PCDH15: variants seen among roughly 807,000 people sequenced by gnomAD.
The protein encoded by PCDH15 is protocadherin related 15.
Under a neutral mutation model 178.5 loss-of-function variants are expected in PCDH15, and 129 were observed. The observed-to-expected ratio is 0.72, with a 90% CI of 0.63 to 0.84. The LOEUF is 0.84. Among genes scored for constraint, PCDH15 ranks in the 40% least tolerant of loss-of-function variants. The pLI is 0.00. For missense variants in PCDH15, 2,230 were observed against 2,099.9 expected (o/e 1.06, Z -1.21); for synonymous variants, 800 against 732.0 (o/e 1.09, Z -1.50).
intron 28 of PCDH15, among the ~76,000 whole-genome samples, chr10:53,853,970 T>C (rs1012616967): frequency 6.6e-6 from 1 of 152,036 alleles, no homozygotes; most frequent in Non-Finnish European, 1.5e-5. Flanking sequence ...TTTATGTTCA[T>C]AGCAGTATTA....
chr10:54,609,826 T>A (rs377536220), intron 2 of PCDH15, among the ~76,000 whole-genome samples: 1 of 152,038 alleles, frequency 6.6e-6, no homozygotes, highest in Admixed American at 6.6e-5. Context: ...TCTATTTTTT[T>A]CCCTAGAGGA....
intron 2 of PCDH15, among the ~76,000 whole-genome samples, chr10:55,117,579 G>A (rs1331994186): frequency 2.0e-5 from 3 of 152,210 alleles, no homozygotes; most frequent in East Asian, 3.9e-4. Flanking sequence ...TTTGAACCGT[G>A]ATGCCCAGAG....
chr10:55,507,820 G>A (rs1002355380), intron 2 of PCDH15, among the ~76,000 whole-genome samples: 1 of 151,540 alleles, frequency 6.6e-6, no homozygotes, highest in Non-Finnish European at 1.5e-5. Context: ...TTCAGATTTA[G>A]ACATGAGCAA....
chr10:54,820,564 C>A (rs1027591645), intron 3 of PCDH15, among the ~76,000 whole-genome samples: 4 of 151,920 alleles, frequency 2.6e-5, no homozygotes, highest in Non-Finnish European at 5.9e-5. Context: ...ACTTTATAAG[C>A]TTTTTATTAC....
At position 55,203,737 on chromosome 10, in the gene PCDH15, G is replaced by A. The variant is rs367938957; in HGVS notation, c.-155-37086C>T. On this transcript the variant is annotated intron_variant, in intron 1 of 5. Coordinates refer to the PCDH15 transcript ENST00000458638. ...TAGATTGGACATTTCCAAAACTTTG[G>A]AAAGATTCCTAATATCCACTGGAGA... Among the ~76,000 whole-genome samples the A allele has an allele frequency of 7.2e-5, 11 of 152,144 alleles. No homozygotes were observed. The East Asian group carries it at 1.2e-3, about 16-fold the overall frequency.
In PCDH15 at chr10:54,895,452, A is replaced by C. The variant is rs770608914; in HGVS notation, c.-29+1998T>G. On this transcript the variant is annotated intron_variant, in intron 3 of 5. Coordinates refer to the PCDH15 transcript ENST00000458638. ...ACAAATACCTCAAAGACAAGAGATA[A>C]GTTTAATATTTGAAAAACTTATTTC... Among the ~76,000 whole-genome samples, 9 of 152,196 alleles carry C rather than the reference A, an allele frequency of 5.9e-5. No homozygotes were observed. The South Asian group carries it at 6.2e-4, about 10-fold the overall frequency.
intron 2 of PCDH15, among the ~76,000 whole-genome samples, chr10:55,502,250 C>G (rs1589087163): frequency 6.6e-6 from 1 of 151,538 alleles, no homozygotes; most frequent in Admixed American, 6.6e-5. Flanking sequence ...CTCTTTATGC[C>G]GTGCCTACTA....
rs770509014 is a variant in PCDH15 at position 53,809,261 on chromosome 10, C to T, written c.4671+1295G>A. 6.2e-6 allele frequency: 10 copies of T among 1,613,974 alleles called. No homozygotes were observed. In the East Asian group the frequency reaches 1.8e-4, roughly 29 times the overall value. ...TCGCTGGAGGATTCCTCCTCTGATTCTACAGTGCTTTCTGTTGCTTCCTCT... is the reference window on the plus strand; with the variant it reads ...TCGCTGGAGGATTCCTCCTCTGATTTTACAGTGCTTTCTGTTGCTTCCTCT... On this transcript the variant is annotated intron_variant, in intron 37 of 37. Transcript: ENST00000644397.
intron 2 of PCDH15, among the ~76,000 whole-genome samples, chr10:55,380,252 G>C (rs573949982): frequency 6.6e-6 from 1 of 152,212 alleles, no homozygotes; most frequent in East Asian, 1.9e-4. Context: ...TAAATACAAT[G>C]TCACTAAAAA....
At chr10:55,600,591 G>A (rs995679557) in intron 2 of PCDH15, among the ~76,000 whole-genome samples, 2 of 152,032 alleles carry the variant, frequency 1.3e-5, no homozygotes, top group African/African-American at 4.8e-5. Context: ...TGGTGTAGCC[G>A]CTATTAAGGG....
intron 1 of PCDH15, among the ~76,000 whole-genome samples, chr10:55,172,606 T>C (rs1444888338): frequency 2.0e-5 from 3 of 152,048 alleles, no homozygotes; most frequent in African/African-American, 7.2e-5. Flanking sequence ...CTACAATAAC[T>C]CCATGAAATT....
chr10:54,315,253 C>T (rs1202638358), intron 8 of PCDH15, among the ~76,000 whole-genome samples: 1 of 152,150 alleles, frequency 6.6e-6, no homozygotes, highest in Non-Finnish European at 1.5e-5. Flanking sequence ...AATGGTTTCT[C>T]ATTGTGGTTT....
intron 2 of PCDH15, among the ~76,000 whole-genome samples, chr10:54,534,930 A>G (rs2084316562): frequency 6.6e-6 from 1 of 152,212 alleles, no homozygotes; most frequent in Non-Finnish European, 1.5e-5. Context: ...AAATCAATGG[A>G]ACAATAATCT....
chr10:55,170,016 G>A (rs1466407916), intron 1 of PCDH15, among the ~76,000 whole-genome samples: 4 of 151,910 alleles, frequency 2.6e-5, no homozygotes, highest in Non-Finnish European at 5.9e-5. Context: ...AGGAAAGGAG[G>A]AGGAAGGACA....
intron 2 of PCDH15, among the ~76,000 whole-genome samples, chr10:55,142,960 G>A (rs1470275693): frequency 1.3e-5 from 2 of 152,116 alleles, no homozygotes; most frequent in African/African-American, 2.4e-5. Context: ...CATGACAGAG[G>A]AGAGGCCTGG....
At chr10:55,005,853 AC>A (rs2131936731) in intron 2 of PCDH15, among the ~76,000 whole-genome samples, 1 of 152,206 alleles carries the variant, frequency 6.6e-6, no homozygotes, top group Non-Finnish European at 1.5e-5. Flanking sequence ...CAAAAACAAA[AC>A]AAAACAAAAC....
intron 3 of PCDH15, among the ~76,000 whole-genome samples, chr10:54,479,005 G>GAAA (rs557476375): frequency 1.0e-5 from 1 of 96,060 alleles, no homozygotes. Context: ...CTAGGGAAAA[G>GAAA]AAAAAAAAAA....
rs1379402416 is a variant in PCDH15, at chr10:55,250,754, C to T, written c.-156+68845G>A. Among the ~76,000 whole-genome samples, 7 of 151,804 alleles carry T rather than the reference C, an allele frequency of 4.6e-5. No individual in the cohort carries two copies. The East Asian group carries it at 1.4e-3, about 30-fold the overall frequency. On this transcript the variant is annotated intron_variant, in intron 1 of 5. Transcript: ENST00000458638. The stretch of plus-strand genomic sequence containing the variant: ...GTTTCACCACCTTGGCCAGGCTGGT[C>T]TTGAACTCCTGACCTCGTGATCCAC...
chr10:55,405,969 G>C lies in PCDH15; in HGVS notation c.-156+221656C>G, dbSNP rs78854373. On this transcript the variant is annotated intron_variant, in intron 2 of 5. Transcript: ENST00000613346. The stretch of plus-strand genomic sequence containing the variant: ...TTTGATTTTAAATCAAGTAATCAGA[G>C]TCAGTGTCGATGAGAAAATTGTATT... 7.9e-3 allele frequency among the ~76,000 whole-genome samples: 1,198 copies of C among 151,648 alleles called. 15 individuals carry two copies. Among genetic ancestry groups the C allele is most frequent in the African/African-American group, 0.026 (1,075 of 41,338 alleles).
Sources: gnomAD v4.1 joint callset for allele counts (sites outside exome capture counted in the v4.1 genomes callset) on GRCh38, gnomAD v4.1.1 for gene constraint, MANE v1.5 for transcripts, NCBI Gene and HGNC (gene_info 2026-07-23, HGNC 2026-07-21) for gene names.